ANKRD13A: variants seen among roughly 807,000 people sequenced by gnomAD.
ANKRD13A encodes ankyrin repeat domain-containing protein 13A.
A neutral mutation model predicts 81.3 loss-of-function variants in ANKRD13A; 48 were observed. The ratio of observed to expected loss-of-function variants is 0.59; its 90% CI spans 0.47 to 0.75. The LOEUF is 0.75. Among genes scored for constraint, ANKRD13A ranks in the 30% least tolerant of loss-of-function variants. The pLI is 0.00. For missense variants in ANKRD13A, 612 were observed against 734.0 expected, an observed-to-expected ratio of 0.83 and a Z score of 1.92; for synonymous variants, 230 against 270.1, an observed-to-expected ratio of 0.85 and a Z score of 1.45.
chr12:110,021,923 G>A (rs2137136731), intron 6 of ANKRD13A: 1 of 152,004 alleles, frequency 6.6e-6, no homozygotes, highest in Admixed American at 6.6e-5. Flanking sequence ...CACCTTCATA[G>A]CCTTTCTCCT....
At chr12:110,035,057 C>G (rs1464215292) in intron 13 of ANKRD13A, among the ~76,000 whole-genome samples, 1 of 152,142 alleles carries the variant, frequency 6.6e-6, no homozygotes, top group Non-Finnish European at 1.5e-5. Flanking sequence ...CACCATGGCC[C>G]CATTCCCAGA....
intron 3 of ANKRD13A, among the ~76,000 whole-genome samples, chr12:110,015,727 A>G (rs549646488): frequency 2.4e-4 from 37 of 152,032 alleles, no homozygotes; most frequent in Middle Eastern, 3.4e-3. Context: ...TTGTATTTAT[A>G]GTGGAGATGG....
At chr12:110,030,790 T>G (rs774516968) in intron 12 of ANKRD13A, 32 bp downstream of exon 12, 31 of 1,475,586 alleles carry the variant, frequency 2.1e-5, no homozygotes, top group Middle Eastern at 1.7e-4. Flanking sequence ...AAGTTTAGTT[T>G]TGTTATTTAA....
In ANKRD13A at chr12:110,037,360, G is replaced by T. The variant is rs751848363; in HGVS notation, c.1579G>T (p.Ala527Ser). Residue 527 changes from alanine (A) to serine (S), a missense_variant and splice_region_variant, in exon 15 of 15, where the codon GCC (alanine) becomes TCC (serine). Coordinates refer to ENST00000261739, the MANE Select transcript of ANKRD13A (RefSeq NM_033121.2). ...TNTYDAQYER[A>S]IQESLLTSTE... ...CTTTTTATCTGTTTTCCAACCCAGG[G>T]CCATCCAGGAGAGCCTCCTCACCAG... 2.5e-6 allele frequency: 4 copies of T among 1,613,160 alleles called. No individual in the cohort carries two copies. In the African/African-American group the frequency reaches 5.3e-5, roughly 22 times the overall value.
chr12:110,021,204 G>T (rs1009511357), intron 6 of ANKRD13A: 6 of 454,284 alleles, frequency 1.3e-5, no homozygotes, highest in Non-Finnish European at 2.7e-5. Context: ...ATGGTGCTCA[G>T]AATTAAATGT....
chr12:110,036,242 T>C lies in ANKRD13A; in HGVS notation c.1510-19T>C. 1 of 1,612,604 alleles carries C rather than the reference T, an allele frequency of 6.2e-7. No homozygotes were observed. Among genetic ancestry groups the C allele is most frequent in the South Asian group, 1.1e-5 (1 of 91,066 alleles). On this transcript the variant is annotated intron_variant, in intron 13 of 14. Coordinates refer to ENST00000261739, the MANE Select transcript of ANKRD13A (RefSeq NM_033121.2). This position sits in a 1 kb window ranked among gnomAD's most constrained non-coding sequence, Gnocchi z 4.6. ...TTCTCCTAAGACGTATTCATGTCTATCACATTTGTCTTTGCCAGGAACTTT... is the reference window on the plus strand; with the variant it reads ...TTCTCCTAAGACGTATTCATGTCTACCACATTTGTCTTTGCCAGGAACTTT...
In ANKRD13A at chr12:110,030,767, A is replaced by G; in HGVS notation, c.1348+9A>G. On this transcript the variant is annotated intron_variant, in intron 12 of 14. Coordinates refer to ENST00000261739, the MANE Select transcript of ANKRD13A (RefSeq NM_033121.2). ...GACCCAGGCTGATTCAGGTAAAAAA[A>G]TAAATAAATACAAAGTTTAGTTTTG... is the stretch of plus-strand genomic sequence containing the variant. The G allele has an allele frequency of 6.5e-7, 1 of 1,543,828 alleles. No homozygotes were observed. The highest frequency in any genetic ancestry group is 8.8e-7 in the Non-Finnish European group (1 of 1,137,590).
At chr12:110,025,574 A>T (rs549263134) in intron 7 of ANKRD13A, among the ~76,000 whole-genome samples, 168 bp from the exon 8 acceptor site, 2 of 152,262 alleles carry the variant, frequency 1.3e-5, no homozygotes, top group Admixed American at 1.3e-4. Context: ...TTTTCAGTTG[A>T]TAGTTTATAT....
At position 109,999,617 on chromosome 12, in the gene ANKRD13A, G is replaced by A; in HGVS notation, c.-72G>A. On this transcript the variant is annotated 5_prime_UTR_variant, in exon 1 of 15. Transcript: ENST00000261739. The surrounding 1 kb of genome is among the most constrained non-coding windows in gnomAD (Gnocchi z 4.3). ...TGCTCGCCGGCCTCAGGGCAGGCAGGCGGGCGCGGGAGACCCCGCCGGGGC... is the reference window on the plus strand; with the variant it reads ...TGCTCGCCGGCCTCAGGGCAGGCAGACGGGCGCGGGAGACCCCGCCGGGGC... The A allele has an allele frequency of 7.7e-7, 1 of 1,301,482 alleles. No homozygotes were observed. The highest frequency in any genetic ancestry group is 1.0e-6 in the Non-Finnish European group (1 of 964,168). The allele number at this position is 1,301,482 out of a possible 1,614,324, so 80.6% of individuals were successfully genotyped here. A position where few individuals can be genotyped will look rare whatever the true frequency, so the allele number is the denominator to read the frequency against.
intron 6 of ANKRD13A, chr12:110,021,832 A>G (rs1891096587): frequency 6.6e-6 from 1 of 152,200 alleles, no homozygotes; most frequent in African/African-American, 2.4e-5. Context: ...GGCCTGCAGT[A>G]TATACACTGT....
At chr12:110,002,630 A>C (rs1367813346) in intron 1 of ANKRD13A, among the ~76,000 whole-genome samples, 1 of 152,038 alleles carries the variant, frequency 6.6e-6, no homozygotes, top group Admixed American at 6.6e-5. Flanking sequence ...AACAAAAAAA[A>C]CCCAAAAAAT....
intron 1 of ANKRD13A, among the ~76,000 whole-genome samples, chr12:110,000,517 A>C (rs1170830299): frequency 6.6e-6 from 1 of 152,168 alleles, no homozygotes; most frequent in East Asian, 1.9e-4. Flanking sequence ...TCTTTAAAGC[A>C]GTAGTGCTCT....
intron 3 of ANKRD13A, among the ~76,000 whole-genome samples, chr12:110,013,892 T>C (rs1890652696): frequency 6.6e-6 from 1 of 152,174 alleles, no homozygotes; most frequent in South Asian, 2.1e-4. Context: ...CCTGTTTTCT[T>C]GAAAGTAGCC....
chr12:110,012,169 G>A (rs758837531), intron 2 of ANKRD13A, 32 bp downstream of exon 2: 25 of 1,573,804 alleles, frequency 1.6e-5, no homozygotes, highest in African/African-American at 2.7e-5. Flanking sequence ...TTTAAAGTCC[G>A]TCTGAGCACC....
At chr12:110,010,657 G>C (rs1408803930) in intron 1 of ANKRD13A, among the ~76,000 whole-genome samples, 1 of 152,198 alleles carries the variant, frequency 6.6e-6, no homozygotes, top group Non-Finnish European at 1.5e-5. Flanking sequence ...ACTGAGGCCT[G>C]GGATTGGTCC....
Position 110,029,532 on chromosome 12 carries a change from G to A in ANKRD13A, c.1131G>A (p.Gln377=). 6.2e-7 allele frequency: 1 copy of A among 1,614,050 alleles called. No individual in the cohort carries two copies. The change falls in exon 11 of 15, where the codon CAG becomes CAA. Residue 377 remains glutamine, a synonymous_variant. Coordinates refer to ENST00000261739, the MANE Select transcript of ANKRD13A (RefSeq NM_033121.2). ...CEEFPLSLVE[Q]VIPIIDLMAR... ...AGTTTCCCCTCTCTCTGGTGGAGCA[G>A]GTCATTCCCATCATTGACCTAATGG...
At chr12:110,021,091 T>C (rs1417728065) in intron 6 of ANKRD13A, 1 of 456,438 alleles carries the variant, frequency 2.2e-6, no homozygotes, top group South Asian at 1.5e-5. Context: ...GCACATTTTG[T>C]ATTTTTGTGC....
intron 6 of ANKRD13A, among the ~76,000 whole-genome samples, chr12:110,020,802 A>G (rs1009416407): frequency 6.6e-6 from 1 of 152,236 alleles, no homozygotes; most frequent in Non-Finnish European, 1.5e-5. Flanking sequence ...GGGCTCCTAA[A>G]TAACTGCGAC....
chr12:110,020,086 A>G (rs1891004780), intron 6 of ANKRD13A, among the ~76,000 whole-genome samples: 1 of 152,260 alleles, frequency 6.6e-6, no homozygotes, highest in Non-Finnish European at 1.5e-5. Flanking sequence ...TCTGCAAGCC[A>G]AAGTAGCTTA....
Sources: allele counts gnomAD v4.1 joint callset (sites outside exome capture counted in the v4.1 genomes callset), GRCh38; gene constraint gnomAD v4.1.1; non-coding constraint Gnocchi (gnomAD v3.1); transcripts MANE v1.5; gene names NCBI Gene and HGNC (gene_info 2026-07-23, HGNC 2026-07-21).